The following FAT3 variants were observed in gnomAD, a reference collection of about 807,000 sequenced individuals.
FAT3 encodes the protein protocadherin Fat 3.
A neutral mutation model predicts 310.2 loss-of-function variants in FAT3; 95 were observed. That is an observed-to-expected ratio of 0.31 (90% CI 0.26 to 0.36). The LOEUF is 0.36. Among genes scored for constraint, FAT3 ranks in the 10% least tolerant of loss-of-function variants. The pLI, the probability that FAT3 is intolerant of heterozygous loss-of-function variation, is 1.00. For missense variants in FAT3, 5,408 were observed against 5,715.6 expected, an observed-to-expected ratio of 0.95 and a Z score of 1.74; for synonymous variants, 2,314 against 2,192.9, an observed-to-expected ratio of 1.06 and a Z score of -1.54.
intron 4 of FAT3, among the ~76,000 whole-genome samples, chr11:92,728,548 G>A (rs1945070094): frequency 6.6e-6 from 1 of 152,086 alleles, no homozygotes; most frequent in African/African-American, 2.4e-5. Flanking sequence ...CGGCATATTT[G>A]TTTTCTGGGG....
At chr11:92,578,420 AT>A (rs1359573493) in intron 3 of FAT3, among the ~76,000 whole-genome samples, 2 of 152,080 alleles carry the variant, frequency 1.3e-5, no homozygotes, top group East Asian at 3.9e-4. Flanking sequence ...ATGTATTGTT[AT>A]CCTGATCATT....
At chr11:92,608,799 C>G (rs551973083) in intron 3 of FAT3, among the ~76,000 whole-genome samples, 58 of 152,144 alleles carry the variant, frequency 3.8e-4, no homozygotes, top group African/African-American at 1.3e-3. Flanking sequence ...GCCTAGGGAA[C>G]AGCATCTCTG....
intron 4 of FAT3, among the ~76,000 whole-genome samples, chr11:92,724,446 C>G (rs1281440981): frequency 6.6e-6 from 1 of 152,140 alleles, no homozygotes; most frequent in Non-Finnish European, 1.5e-5. Flanking sequence ...TAAAATTCAC[C>G]TATTGATAGG....
At chr11:92,652,526 G>T (rs1021642134) in intron 3 of FAT3, among the ~76,000 whole-genome samples, 1 of 152,174 alleles carries the variant, frequency 6.6e-6, no homozygotes, top group African/African-American at 2.4e-5. Flanking sequence ...ACAAGGCTTT[G>T]ATGAAAACAC....
intron 2 of FAT3, among the ~76,000 whole-genome samples, chr11:92,488,449 C>T (rs1276913638): frequency 1.7e-5 from 1 of 58,142 alleles, no homozygotes; most frequent in African/African-American, 6.8e-5. Context: ...TAACTAGCAC[C>T]GCCCCCCCCC....
rs577503894 is a variant in FAT3, at chr11:92,625,395, G to A, written c.3608-71989G>A. Among the ~76,000 whole-genome samples, 6 of 152,232 alleles carry A rather than the reference G, an allele frequency of 3.9e-5. No individual in the cohort carries two copies. In the South Asian group the frequency reaches 1.2e-3, roughly 32 times the overall value. On this transcript the variant is annotated intron_variant, in intron 3 of 27. Coordinates refer to ENST00000525166, the MANE Select transcript of FAT3 (RefSeq NM_001367949.2). ...ACTGGCTGTCAGATCCTATAGCCTG[G>A]AAGGCATTCTGTTTGGATGACATTA...
chr11:92,560,785 A>G (rs1326292508), intron 3 of FAT3, among the ~76,000 whole-genome samples: 3 of 152,098 alleles, frequency 2.0e-5, no homozygotes, highest in Admixed American at 6.6e-5. Flanking sequence ...CTCTGGTTGG[A>G]ACTTTGTTGT....
intron 16 of FAT3, among the ~76,000 whole-genome samples, chr11:92,837,009 G>A (rs533480226): frequency 4.3e-4 from 65 of 152,226 alleles, no homozygotes; most frequent in African/African-American, 1.4e-3. Flanking sequence ...GGGACCCTGT[G>A]ATCCTGACTT....
chr11:92,516,228 G>A (rs957956078), intron 2 of FAT3, among the ~76,000 whole-genome samples: 9 of 151,942 alleles, frequency 5.9e-5, no homozygotes, highest in African/African-American at 1.9e-4. Flanking sequence ...ACATCAATGT[G>A]AAAATCCTCA....
Position 92,354,573 on chromosome 11 carries a change from G to C in FAT3, c.2461G>C (p.Val821Leu), listed in dbSNP as rs1336922239. 3 of 1,613,766 alleles carry C rather than the reference G, an allele frequency of 1.9e-6. No individual in the cohort carries two copies. Among genetic ancestry groups the C allele is most frequent in the Non-Finnish European group, 2.5e-6 (3 of 1,179,864 alleles). ...GTCATGGAGACTGCTGACCATCAAT[G>C]TGGAGGATGCTAATGACAATAGCCC... ...KSSWRLLTIN[V>L]EDANDNSPVF... Residue 821 changes from valine (V) to leucine (L), a missense_variant, in exon 2 of 28, where the codon GTG becomes CTG. This residue lies in a region of FAT3 where 4,588 missense variants were observed against 4,809.8 expected (regional missense o/e 0.95). Transcript: ENST00000525166.
At chr11:92,763,090 C>T (rs1591700782) in intron 5 of FAT3, among the ~76,000 whole-genome samples, 1 of 151,528 alleles carries the variant, frequency 6.6e-6, no homozygotes. Context: ...ACCCGGGAGG[C>T]AGAGGTTGCA....
At chr11:92,516,987 C>T (rs990169357) in intron 2 of FAT3, among the ~76,000 whole-genome samples, 2 of 152,090 alleles carry the variant, frequency 1.3e-5, no homozygotes, top group Non-Finnish European at 2.9e-5. Context: ...AGAGAGGATA[C>T]AAACAAATGG....
At chr11:92,320,159 T>A (rs1012110125) in intron 1 of FAT3, among the ~76,000 whole-genome samples, 8 of 152,166 alleles carry the variant, frequency 5.3e-5, no homozygotes, top group Admixed American at 5.2e-4. Context: ...CAAAAGTAAT[T>A]GCGATTTTTG....
chr11:92,325,294 C>G (rs1235678325), intron 1 of FAT3, among the ~76,000 whole-genome samples: 1 of 152,142 alleles, frequency 6.6e-6, no homozygotes, highest in Non-Finnish European at 1.5e-5. Context: ...TTGGCTAGAG[C>G]TACATGAAAG....
Position 92,352,942 on chromosome 11 carries a change from A to G in FAT3, c.830A>G (p.Glu277Gly). ...HVVTHVPFSL[E>G]KEPTYAVVTV... Reference sequence around the variant, plus strand: ...GTCACTCATGTTCCTTTCTCGTTGGAAAAAGAGCCAACATATGCAGTGGTG... The same window carrying G: ...GTCACTCATGTTCCTTTCTCGTTGGGAAAAGAGCCAACATATGCAGTGGTG... Residue 277 changes from glutamate to glycine, a missense_variant, in exon 2 of 28, where the codon GAA becomes GGA. Transcript: ENST00000525166. 6.2e-7 allele frequency: 1 copy of G among 1,613,860 alleles called. No homozygotes were observed. The highest frequency in any genetic ancestry group is 8.5e-7 in the Non-Finnish European group (1 of 1,179,864).
intron 4 of FAT3, among the ~76,000 whole-genome samples, chr11:92,705,485 TGTGATGGTGGTG>T (rs1565526906): frequency 2.9e-4 from 18 of 62,700 alleles, no homozygotes; most frequent in African/African-American, 9.9e-4. Context: ...GTGATAGTGG[TGTGATGGTGGTG>T]GTGATGGTGG....
intron 3 of FAT3, among the ~76,000 whole-genome samples, chr11:92,536,751 A>G (rs1349171896): frequency 6.6e-6 from 1 of 152,090 alleles, no homozygotes; most frequent in East Asian, 1.9e-4. Context: ...GTTGATTTCT[A>G]TATATGTGGT....
Position 92,859,339 on chromosome 11 carries a change from A to G in FAT3, c.11658+17A>G, listed in dbSNP as rs772657694. On this transcript the variant is annotated intron_variant, in intron 21 of 27. Transcript: ENST00000525166. Reference sequence around the variant, plus strand: ...ATTCTGAAGGTAATTAAAATGGGTTATCTTTTTCTGCAGTCAGTTCTCATG... The same window carrying G: ...ATTCTGAAGGTAATTAAAATGGGTTGTCTTTTTCTGCAGTCAGTTCTCATG... 1.3e-6 allele frequency: 2 copies of G among 1,564,618 alleles called. No homozygotes were observed. The highest frequency in any genetic ancestry group is 1.2e-5 in the South Asian group (1 of 84,390).
In FAT3 at chr11:92,352,598, A is replaced by G. The variant is rs373080543; in HGVS notation, c.486A>G (p.Thr162=). The G allele has an allele frequency of 8.1e-6, 13 of 1,613,726 alleles. No individual in the cohort carries two copies. Among genetic ancestry groups the G allele is most frequent in the Admixed American group, 1.7e-5 (1 of 59,922 alleles). ...NDLRPLFSPT[T]YSVTIAESTP... ...TGAGACCTTTGTTTTCACCCACAAC[A>G]TACTCTGTTACCATAGCAGAAAGCA... is the stretch of plus-strand genomic sequence containing the variant. The change falls in exon 2 of 28, where the codon ACA becomes ACG. Residue 162 remains threonine, a synonymous_variant. Transcript: ENST00000525166.
Sources: allele counts gnomAD v4.1 joint callset (sites outside exome capture counted in the v4.1 genomes callset), GRCh38; gene constraint gnomAD v4.1.1; regional missense constraint gnomAD v4.1.1; transcripts MANE v1.5; gene names NCBI Gene and HGNC (gene_info 2026-07-23, HGNC 2026-07-21).